FGD6: variants seen among roughly 807,000 people sequenced by gnomAD.
FGD6 encodes the protein FYVE, RhoGEF and PH domain containing 6, also known as FYVE, RhoGEF and PH domain-containing protein 6.
In FGD6, 90 loss-of-function variants were observed where a neutral mutation model predicts 149.4. The ratio of observed to expected loss-of-function variants is 0.60; its 90% CI spans 0.51 to 0.72. FGD6 has a LOEUF of 0.72. FGD6 is among the 30% of genes least tolerant of loss of function. The pLI is 0.00. For synonymous variants in FGD6, 527 were observed against 584.0 expected, an observed-to-expected ratio of 0.90 and a Z score of 1.41; for missense variants, 1,437 against 1,684.8, an observed-to-expected ratio of 0.85 and a Z score of 2.57.
chr12:95,113,531 T>C (rs1878906215), intron 9 of FGD6, 120 bp downstream of exon 9: 2 of 779,718 alleles, frequency 2.6e-6, no homozygotes, highest in Non-Finnish European at 4.2e-6. Context: ...CCACCGCACC[T>C]GCCCTTCAAG....
intron 6 of FGD6, among the ~76,000 whole-genome samples, chr12:95,141,113 C>T (rs2136262868): frequency 1.3e-5 from 2 of 152,256 alleles, no homozygotes; most frequent in South Asian, 2.1e-4. Context: ...ATCCCAGCTA[C>T]TCGGGAGGCT....
intron 8 of FGD6, among the ~76,000 whole-genome samples, chr12:95,124,546 T>G (rs914932379): frequency 3.3e-5 from 5 of 152,184 alleles, no homozygotes; most frequent in African/African-American, 1.2e-4. Flanking sequence ...TAGCAACAGA[T>G]TCTGCTTGCT....
At chr12:95,093,803 T>C (rs1878147777) in intron 15 of FGD6, among the ~76,000 whole-genome samples, 1 of 150,646 alleles carries the variant, frequency 6.6e-6, no homozygotes, top group Non-Finnish European at 1.5e-5. Flanking sequence ...GAGCCGAGAT[T>C]GCACCACTGC....
chr12:95,120,618 C>A (rs568302616), intron 8 of FGD6, among the ~76,000 whole-genome samples: 3 of 152,070 alleles, frequency 2.0e-5, no homozygotes, highest in African/African-American at 7.2e-5. Flanking sequence ...ACTCCGGAGG[C>A]AGAGGTTGCA....
At chr12:95,183,330 C>T (rs1881338185) in intron 2 of FGD6, among the ~76,000 whole-genome samples, 1 of 152,198 alleles carries the variant, frequency 6.6e-6, no homozygotes, top group Non-Finnish European at 1.5e-5. Flanking sequence ...GGAGTGACCC[C>T]CACCCTCTTG....
intron 3 of FGD6, among the ~76,000 whole-genome samples, chr12:95,166,068 G>A (rs376759136): frequency 6.6e-6 from 1 of 150,980 alleles, no homozygotes; most frequent in East Asian, 2.0e-4. Context: ...AACTTCCCAG[G>A]GGCTTGCCCC....
At chr12:95,169,037 G>C (rs1269549940) in intron 3 of FGD6, among the ~76,000 whole-genome samples, 1 of 152,222 alleles carries the variant, frequency 6.6e-6, no homozygotes, top group Non-Finnish European at 1.5e-5. Flanking sequence ...CAGATGAAGA[G>C]ACAGAAAGAG....
intron 19 of FGD6, among the ~76,000 whole-genome samples, chr12:95,085,291 T>C (rs1050103626): frequency 6.8e-6 from 1 of 146,152 alleles, no homozygotes; most frequent in Non-Finnish European, 1.5e-5. Flanking sequence ...CTCAGCTCAC[T>C]GCAACCTCTG....
At chr12:95,143,769 C>A (rs1879927658) in intron 5 of FGD6, among the ~76,000 whole-genome samples, 1 of 152,178 alleles carries the variant, frequency 6.6e-6, no homozygotes, top group Non-Finnish European at 1.5e-5. Context: ...ATTTACACAT[C>A]ATGAATAATG....
Position 95,172,654 on chromosome 12 carries a change from A to G in FGD6, c.2532T>C (p.Asp844=), listed in dbSNP as rs1249351428. ...EEEIINSSDE[D]DVSSESSKGE... ...CTTTACTTGACTCAGAGCTGACATC[A>G]TCTTCATCAGAACTGTTGATGATTT... The change falls in exon 3 of 21, where the codon GAT becomes GAC. Residue 844 remains aspartate (D), a synonymous_variant. Transcript: ENST00000343958. 1 of 1,613,370 alleles carries G rather than the reference A, an allele frequency of 6.2e-7. No homozygotes were observed.
intron 14 of FGD6, among the ~76,000 whole-genome samples, chr12:95,096,232 C>CAT (rs1878226797): frequency 6.6e-6 from 1 of 151,926 alleles, no homozygotes; most frequent in Admixed American, 6.6e-5. Flanking sequence ...AATAATGGTA[C>CAT]ATATAGACAT....
chr12:95,148,857 T>A (rs991351495), intron 5 of FGD6, among the ~76,000 whole-genome samples: 8 of 55,652 alleles, frequency 1.4e-4, no homozygotes, highest in African/African-American at 2.4e-4. Context: ...ATTATATATA[T>A]TATATAAGAT....
intron 8 of FGD6, among the ~76,000 whole-genome samples, chr12:95,126,627 A>G (rs1410628219): frequency 6.6e-6 from 1 of 151,604 alleles, no homozygotes; most frequent in Non-Finnish European, 1.5e-5. Context: ...GCTACTCAGG[A>G]GGCTGAGGCA....
rs1327193848 is a variant in FGD6, at chr12:95,076,859, T to G, written c.*4661A>C. ...AAAAAGATACAAACTGTTATCATTTTAAGTACAAAGTATTTCTAGAAATAC... is the reference window on the plus strand; with the variant it reads ...AAAAAGATACAAACTGTTATCATTTGAAGTACAAAGTATTTCTAGAAATAC... On this transcript the variant is annotated 3_prime_UTR_variant, in exon 21 of 21. Coordinates refer to ENST00000343958, the MANE Select transcript of FGD6 (RefSeq NM_018351.4). 1 of 151,998 alleles carries G rather than the reference T, an allele frequency of 6.6e-6. No individual in the cohort carries two copies. Among genetic ancestry groups the G allele is most frequent in the Non-Finnish European group, 1.5e-5 (1 of 68,004 alleles). The allele number at this position is 151,998 out of a possible 1,614,324, so 9.4% of individuals were successfully genotyped here.
chr12:95,145,788 C>G (rs1879997918), intron 5 of FGD6, among the ~76,000 whole-genome samples: 1 of 152,136 alleles, frequency 6.6e-6, no homozygotes, highest in African/African-American at 2.4e-5. Context: ...ATTCTACTGC[C>G]TCAGCCTCTC....
intron 3 of FGD6, among the ~76,000 whole-genome samples, chr12:95,159,591 A>G (rs2136276828): frequency 6.6e-6 from 1 of 152,318 alleles, no homozygotes; most frequent in South Asian, 2.1e-4. Context: ...GCAATCTCAT[A>G]TTTTGGGAGG....
At chr12:95,186,922 T>C (rs997766614) in intron 2 of FGD6, among the ~76,000 whole-genome samples, 1 of 152,232 alleles carries the variant, frequency 6.6e-6, no homozygotes, top group Admixed American at 6.5e-5. Flanking sequence ...GACAGAATTT[T>C]GTGGGGATTA....
chr12:95,188,801 CT>C (rs35319794), intron 2 of FGD6, among the ~76,000 whole-genome samples: 399 of 146,496 alleles, frequency 2.7e-3, no homozygotes, highest in African/African-American at 5.2e-3. Flanking sequence ...TTAAAAACAA[CT>C]TTTTTTTTTT....
intron 2 of FGD6, among the ~76,000 whole-genome samples, chr12:95,179,970 C>T (rs1213758625): frequency 4.0e-5 from 6 of 151,146 alleles, no homozygotes; most frequent in South Asian, 2.1e-4. Context: ...CCCAGCTACA[C>T]GGGAGGCTGA....
Sources: allele counts gnomAD v4.1 joint callset (sites outside exome capture counted in the v4.1 genomes callset), GRCh38; gene constraint gnomAD v4.1.1; transcripts MANE v1.5; gene names NCBI Gene and HGNC (gene_info 2026-07-23, HGNC 2026-07-21).